Variants in ADCY5 observed in about 807,000 individuals in gnomAD.
ADCY5 encodes the protein adenylate cyclase 5, also known as adenylate cyclase type 5.
A neutral mutation model predicts 119.7 loss-of-function variants in ADCY5; 30 were observed. The ratio of observed to expected loss-of-function variants is 0.25; its 90% CI spans 0.19 to 0.34. The LOEUF is 0.34. Among genes scored for constraint, ADCY5 ranks in the 10% least tolerant of loss-of-function variants. ADCY5 has a pLI of 1.00. For synonymous variants in ADCY5, 753 were observed against 762.2 expected (o/e 0.99, Z 0.20); for missense variants, 1,324 against 1,775.2 (o/e 0.75, Z 4.57).
chr3:123,335,949 G>A (rs1942006163), intron 3 of ADCY5, among the ~76,000 whole-genome samples: 1 of 152,230 alleles, frequency 6.6e-6, no homozygotes, highest in South Asian at 2.1e-4. Context: ...GAACAAATGA[G>A]AGGGAGAGAA....
chr3:123,373,003 A>C (rs1038470201), intron 1 of ADCY5, among the ~76,000 whole-genome samples: 4 of 152,096 alleles, frequency 2.6e-5, no homozygotes, highest in Non-Finnish European at 4.4e-5. Context: ...GCAATGCAAC[A>C]CTCAACCACC....
intron 1 of ADCY5, among the ~76,000 whole-genome samples, chr3:123,370,133 G>A (rs1330067569): frequency 6.6e-6 from 1 of 152,176 alleles, no homozygotes; most frequent in African/African-American, 2.4e-5. Flanking sequence ...CAGCCAGTGG[G>A]AGGAGTGGCA....
chr3:123,343,838 A>C (rs1576599929), intron 3 of ADCY5, among the ~76,000 whole-genome samples: 1 of 152,182 alleles, frequency 6.6e-6, no homozygotes, highest in Non-Finnish European at 1.5e-5. Context: ...CCCTGGCTCC[A>C]GCTGACCCCC....
At chr3:123,344,233 A>C (rs1253890896) in intron 3 of ADCY5, among the ~76,000 whole-genome samples, 1 of 152,150 alleles carries the variant, frequency 6.6e-6, no homozygotes, top group Non-Finnish European at 1.5e-5. Flanking sequence ...CCTTGCTCTC[A>C]GTGGGGCTAG....
Position 123,448,637 on chromosome 3 carries a change from AGGCTAG to A in ADCY5, c.-98_-93del. ...GGGCGGACGGCCGAGCAGGGGGACCAGGCTAGGGTCACACGTCGGGGGCGGCCCGGG... is the reference window on the plus strand; with the variant it reads ...GGGCGGACGGCCGAGCAGGGGGACCAGGTCACACGTCGGGGGCGGCCCGGG... On this transcript the variant is annotated 5_prime_UTR_variant, in exon 1 of 21. Coordinates refer to ENST00000462833, the MANE Select transcript of ADCY5 (RefSeq NM_183357.3). 1 of 1,181,478 alleles carries A rather than the reference AGGCTAG, an allele frequency of 8.5e-7. No homozygotes were observed. The highest frequency in any genetic ancestry group is 1.1e-6 in the Non-Finnish European group (1 of 936,880). The allele number at this position is 1,181,478 out of a possible 1,614,324, so 73.2% of individuals were successfully genotyped here.
chr3:123,391,795 G>A (rs938728319), intron 1 of ADCY5, among the ~76,000 whole-genome samples: 1 of 152,212 alleles, frequency 6.6e-6, no homozygotes, highest in Non-Finnish European at 1.5e-5. Context: ...GGCCACATCT[G>A]AATGACTGCC....
At chr3:123,368,029 A>G in intron 1 of ADCY5, 1 of 1,480,434 alleles carries the variant, frequency 6.8e-7, no homozygotes, top group Non-Finnish European at 8.9e-7. Flanking sequence ...GCAGGGATCC[A>G]GGGGCCCCAG....
intron 3 of ADCY5, among the ~76,000 whole-genome samples, chr3:123,334,694 TGC>T (rs2108422884): frequency 6.6e-6 from 1 of 152,186 alleles, no homozygotes; most frequent in East Asian, 1.9e-4. Flanking sequence ...GCCGAGACAG[TGC>T]CACTGCACTC....
chr3:123,363,065 C>T (rs1454012722), intron 1 of ADCY5, among the ~76,000 whole-genome samples: 1 of 150,010 alleles, frequency 6.7e-6, no homozygotes, highest in Admixed American at 6.7e-5. Context: ...ATCACTTGAA[C>T]CCAGGAGGCA....
At chr3:123,284,792 G>T in intron 20 of ADCY5, 56 bp from the exon 21 acceptor site, 1 of 1,609,976 alleles carries the variant, frequency 6.2e-7, no homozygotes, top group Admixed American at 1.7e-5. Context: ...GCCATGAACT[G>T]CTGTGGGGTA....
intron 1 of ADCY5, among the ~76,000 whole-genome samples, chr3:123,445,862 C>T (rs1267890522): frequency 6.6e-6 from 1 of 152,216 alleles, no homozygotes; most frequent in Admixed American, 6.5e-5. Context: ...GGGATTTGTG[C>T]ATCCATGGAG....
intron 1 of ADCY5, among the ~76,000 whole-genome samples, chr3:123,424,992 G>T (rs888416438): frequency 2.0e-5 from 3 of 152,244 alleles, no homozygotes; most frequent in Non-Finnish European, 4.4e-5. Context: ...GCCAGGGTCA[G>T]GGTCTGTTGT....
At chr3:123,436,493 G>A (rs1012458871) in intron 1 of ADCY5, among the ~76,000 whole-genome samples, 4 of 152,230 alleles carry the variant, frequency 2.6e-5, no homozygotes, top group African/African-American at 7.2e-5. Flanking sequence ...ATGACCTGAG[G>A]TCAGGAGTTC....
intron 1 of ADCY5, among the ~76,000 whole-genome samples, chr3:123,446,564 C>T (rs1176989451): frequency 6.6e-6 from 1 of 152,222 alleles, no homozygotes; most frequent in Non-Finnish European, 1.5e-5. Flanking sequence ...GTCAGGATAG[C>T]CAACATGCCC....
At chr3:123,289,256 C>G (rs1414656196) in intron 19 of ADCY5, among the ~76,000 whole-genome samples, 1 of 152,182 alleles carries the variant, frequency 6.6e-6, no homozygotes, top group African/African-American at 2.4e-5. Flanking sequence ...TAAAATGTAT[C>G]AAGTATTTGA....
At position 123,332,134 on chromosome 3, in the gene ADCY5, G is replaced by A. The variant is rs151162655; in HGVS notation, c.1518+430C>T. Reference sequence around the variant, plus strand: ...TGCCGCTAGGGAATGGCACACAGCCGCCTGCAGGCCAGCTGGGGATTCAGA... The same window carrying A: ...TGCCGCTAGGGAATGGCACACAGCCACCTGCAGGCCAGCTGGGGATTCAGA... On this transcript the variant is annotated intron_variant, in intron 4 of 20. Transcript: ENST00000462833. 5.0e-3 allele frequency among the ~76,000 whole-genome samples: 768 copies of A among 152,266 alleles called. 8 individuals carry two copies. The highest frequency in any genetic ancestry group is 0.018 in the African/African-American group (740 of 41,538).
In ADCY5 at chr3:123,376,743, G is replaced by C. The variant is rs117447111; in HGVS notation, c.1135-24162C>G. Among the ~76,000 whole-genome samples, 470 of 152,234 alleles carry C rather than the reference G, an allele frequency of 3.1e-3. 9 individuals are homozygous for C. The East Asian group carries it at 0.049, about 16-fold the overall frequency. ...CTGGCCAGAAGGAGGATGAGAATGGGGAACAAAAGTCTGGGCAGGCAGGAG... is the reference window on the plus strand; with the variant it reads ...CTGGCCAGAAGGAGGATGAGAATGGCGAACAAAAGTCTGGGCAGGCAGGAG... On this transcript the variant is annotated intron_variant, in intron 1 of 20. Transcript: ENST00000462833.
intron 8 of ADCY5, among the ~76,000 whole-genome samples, chr3:123,323,748 C>A (rs1941341262): frequency 6.6e-6 from 1 of 152,192 alleles, no homozygotes; most frequent in Admixed American, 6.5e-5. Flanking sequence ...CAACCTCAAC[C>A]TCCTGGGCTC....
intron 1 of ADCY5, among the ~76,000 whole-genome samples, chr3:123,414,307 C>T (rs1945134358): frequency 1.3e-5 from 2 of 152,358 alleles, no homozygotes; most frequent in East Asian, 3.9e-4. Context: ...TACTGTGCAG[C>T]TCTGTGGGAC....
Sources: allele counts gnomAD v4.1 joint callset (sites outside exome capture counted in the v4.1 genomes callset), GRCh38; gene constraint gnomAD v4.1.1; transcripts MANE v1.5; gene names NCBI Gene and HGNC (gene_info 2026-07-23, HGNC 2026-07-21).